ETV1: variants seen among roughly 807,000 people sequenced by gnomAD.
ETV1 encodes the protein ETS translocation variant 1.
ETV1 carries 27 observed loss-of-function variants against 62.3 expected under a neutral mutation model. That is an observed-to-expected ratio of 0.43 (90% CI 0.32 to 0.60). ETV1 has a LOEUF of 0.60. Ranked by LOEUF, ETV1 falls within the 20% of genes least tolerant of loss-of-function variation. The probability of loss-of-function intolerance (pLI) is 0.06; values close to 1 mark genes in which losing one functional copy is unlikely to be tolerated. For missense variants in ETV1, 605 were observed against 605.8 expected, an observed-to-expected ratio of 1.00 and a Z score of 0.01; for synonymous variants, 222 against 199.6, an observed-to-expected ratio of 1.11 and a Z score of -0.94.
intron 6 of ETV1, among the ~76,000 whole-genome samples, chr7:13,955,596 T>G (rs1319035099): frequency 6.6e-6 from 1 of 152,064 alleles, no homozygotes; most frequent in Non-Finnish European, 1.5e-5. Context: ...GACTTAACGG[T>G]GGCCATGAAA....
chr7:13,891,468 G>A lies in ETV1; in HGVS notation c.*4398C>T, dbSNP rs1362932267. 1 of 231,226 alleles carries A rather than the reference G, an allele frequency of 4.3e-6. No homozygotes were observed. The highest frequency in any genetic ancestry group is 8.5e-6 in the Non-Finnish European group (1 of 117,156). The allele number at this position is 231,226 out of a possible 1,614,324, so 14.3% of individuals were successfully genotyped here. On this transcript the variant is annotated 3_prime_UTR_variant, in exon 14 of 14. Transcript: ENST00000430479. ...ATATGAATCCATAAACAATAGCCAC[G>A]GTATATACACTTGTAACTGAAAATT... is the stretch of plus-strand genomic sequence containing the variant.
At chr7:13,918,510 G>A (rs1480718546) in intron 9 of ETV1, among the ~76,000 whole-genome samples, 1 of 152,074 alleles carries the variant, frequency 6.6e-6, no homozygotes, top group African/African-American at 2.4e-5. Flanking sequence ...ACTGGATTAA[G>A]AAAATGTGGC....
intron 6 of ETV1, among the ~76,000 whole-genome samples, chr7:13,952,568 A>T (rs1207279240): frequency 6.6e-6 from 1 of 152,156 alleles, no homozygotes; most frequent in Non-Finnish European, 1.5e-5. Context: ...GAGGGTACAT[A>T]ATGCACGTTA....
chr7:13,961,674 A>C (rs997692420), intron 6 of ETV1, among the ~76,000 whole-genome samples: 5 of 152,186 alleles, frequency 3.3e-5, no homozygotes, highest in African/African-American at 9.6e-5. Context: ...TAGACCCACA[A>C]ATTAGGGTGT....
chr7:13,915,771 AC>A (rs1784088299), intron 9 of ETV1, among the ~76,000 whole-genome samples: 1 of 149,692 alleles, frequency 6.7e-6, no homozygotes, highest in South Asian at 2.1e-4. Flanking sequence ...TTTTTTTTTT[AC>A]TTTTACCATA....
intron 6 of ETV1, among the ~76,000 whole-genome samples, chr7:13,969,033 G>A (rs1780596998): frequency 6.6e-6 from 1 of 152,150 alleles, no homozygotes; most frequent in African/African-American, 2.4e-5. Context: ...TGGAAAGGGG[G>A]CTGCTGGGCT....
At chr7:13,966,796 G>A (rs1780337335) in intron 6 of ETV1, among the ~76,000 whole-genome samples, 1 of 152,116 alleles carries the variant, frequency 6.6e-6, no homozygotes, top group South Asian at 2.1e-4. Context: ...TACTCAATAT[G>A]TGATAAATAC....
chr7:13,897,357 G>A (rs963326028), intron 13 of ETV1, among the ~76,000 whole-genome samples: 8 of 152,174 alleles, frequency 5.3e-5, no homozygotes, highest in African/African-American at 1.9e-4. Context: ...TATCTTTGAG[G>A]GAAAAGTAAC....
intron 6 of ETV1, among the ~76,000 whole-genome samples, chr7:13,960,663 C>CAA (rs1790063980): frequency 1.3e-5 from 2 of 152,128 alleles, no homozygotes; most frequent in African/African-American, 2.4e-5. Context: ...TCACATGTTG[C>CAA]CATGTGAGCT....
intron 10 of ETV1, chr7:13,910,373 T>G (rs1290038035): frequency 6.4e-6 from 1 of 156,278 alleles, no homozygotes; most frequent in Non-Finnish European, 1.4e-5. Flanking sequence ...AGGAATAAAT[T>G]TCATAGAGTT....
chr7:13,943,309 C>A lies in ETV1; in HGVS notation c.236-4063G>T, dbSNP rs541930041. ...TCCACATGAGATTATCACTATATAG[C>A]TGTATCAGATAGTTACAGATATCAC... On this transcript the variant is annotated intron_variant, in intron 6 of 13. Coordinates refer to ENST00000430479, the MANE Select transcript of ETV1 (RefSeq NM_004956.5). Among the ~76,000 whole-genome samples, 3 of 152,252 alleles carry A rather than the reference C, an allele frequency of 2.0e-5. No homozygotes were observed. In the South Asian group the frequency reaches 6.2e-4, roughly 32 times the overall value.
chr7:13,916,593 G>A lies in ETV1; in HGVS notation c.803-5286C>T, dbSNP rs376437373. Among the ~76,000 whole-genome samples the A allele has an allele frequency of 2.2e-4, 33 of 152,090 alleles. No individual in the cohort carries two copies. The East Asian group carries it at 2.5e-3, about 12-fold the overall frequency. ...CCGGAGGTTTCAGTAAGCCGAGATC[G>A]CGCCACTGCACTCCAGCTGTGACAG... On this transcript the variant is annotated intron_variant, in intron 9 of 13. Coordinates refer to ENST00000430479, the MANE Select transcript of ETV1 (RefSeq NM_004956.5).
chr7:13,987,333 G>A (rs2357844), intron 4 of ETV1, among the ~76,000 whole-genome samples: 86,665 of 151,404 alleles, frequency 0.57, 25,137 homozygotes, highest in African/African-American at 0.63. Flanking sequence ...GTATTTAAAT[G>A]GTATGAAGAT....
upstream of ETV1, chr7:13,990,515 T>G (rs1782953281): frequency 6.6e-6 from 1 of 152,190 alleles, no homozygotes; most frequent in Admixed American, 6.5e-5. Flanking sequence ...TTCCTGAGCT[T>G]TTGTTATGTA....
At chr7:13,916,137 A>G (rs1784130666) in intron 9 of ETV1, among the ~76,000 whole-genome samples, 1 of 152,198 alleles carries the variant, frequency 6.6e-6, no homozygotes, top group Non-Finnish European at 1.5e-5. Context: ...ATTTAGTATT[A>G]CCTCACTCAC....
At chr7:13,977,593 G>A in intron 5 of ETV1, 113 bp from the exon 6 acceptor site, 4 of 709,356 alleles carry the variant, frequency 5.6e-6, no homozygotes, top group Non-Finnish European at 7.2e-6. Flanking sequence ...TCAAACCTAT[G>A]ATTATTTGCC....
intron 6 of ETV1, among the ~76,000 whole-genome samples, chr7:13,975,771 T>C (rs1192014065): frequency 3.3e-5 from 5 of 151,568 alleles, no homozygotes; most frequent in Admixed American, 6.6e-5. Context: ...GACTAAATAT[T>C]CAATAAGAAA....
chr7:13,959,818 G>A (rs1316840292), intron 6 of ETV1, among the ~76,000 whole-genome samples: 2 of 146,636 alleles, frequency 1.4e-5, no homozygotes, highest in Admixed American at 1.4e-4. Context: ...GGGAGGCAGA[G>A]GTTACAGTGA....
At chr7:13,966,887 T>C (rs1780344092) in intron 6 of ETV1, among the ~76,000 whole-genome samples, 1 of 152,058 alleles carries the variant, frequency 6.6e-6, no homozygotes. Flanking sequence ...CACCACTGTA[T>C]CTCCAGTGAC....
Sources: gnomAD v4.1 joint callset for allele counts (sites outside exome capture counted in the v4.1 genomes callset) on GRCh38, gnomAD v4.1.1 for gene constraint, MANE v1.5 for transcripts, NCBI Gene and HGNC (gene_info 2026-07-23, HGNC 2026-07-21) for gene names.